DUOX2: variants seen among roughly 807,000 people sequenced by gnomAD.
The protein encoded by DUOX2 is NADH/NADPH thyroid oxidase p138-tox.
Under a neutral mutation model 183.3 loss-of-function variants are expected in DUOX2, and 185 were observed. The ratio of observed to expected loss-of-function variants is 1.01; its 90% CI spans 0.90 to 1.14. The LOEUF (loss-of-function observed/expected upper bound fraction) is 1.14. Among genes scored for constraint, DUOX2 ranks in the 50% most tolerant of loss-of-function variants. DUOX2 has a pLI of 0.00. For missense variants in DUOX2, 1,999 were observed against 2,022.9 expected (o/e 0.99, Z 0.23); for synonymous variants, 788 against 812.4 (o/e 0.97, Z 0.51).
rs119472026 is a variant in DUOX2 at position 45,108,887 on chromosome 15, G to A, written c.1300C>T (p.Arg434Ter). The stretch of plus-strand genomic sequence containing the variant: ...CTATAGCTGGGCAGCCCCATATCTC[G>A]GCCACGTTGGATGCTGCTGGCCACA... ...DYVASSIQRGRDMGLPSYSQA... is the reference protein window; with the variant it reads ...DYVASSIQRG The change falls in exon 12 of 34, where the codon CGA becomes TGA. Residue 434 changes from arginine to a stop codon, truncating the protein, a stop_gained. Coordinates refer to ENST00000389039, the MANE Select transcript of DUOX2 (RefSeq NM_001363711.2). LOFTEE classifies it high-confidence loss of function. 54 of 1,614,086 alleles carry A rather than the reference G, an allele frequency of 3.3e-5. No homozygotes were observed. Among genetic ancestry groups the A allele is most frequent in the Admixed American group, 1.2e-4 (7 of 60,010 alleles).
rs1185503447 is a variant in DUOX2 at position 45,106,157 on chromosome 15, G to T, written c.2116C>A (p.Leu706Met). The T allele has an allele frequency of 3.1e-6, 5 of 1,614,242 alleles. No homozygotes were observed. Among genetic ancestry groups the T allele is most frequent in the Non-Finnish European group, 4.2e-6 (5 of 1,180,044 alleles). ...ILSNNRGCRT[L>M]LLKIPKEYDL... is the part of the protein sequence containing the mutation. ...TACTCCTTAGGGATCTTGAGCAGCA[G>T]GGTGCGGCATCCTCGGTTGTTGGAC... Residue 706 changes from leucine (L) to methionine (M), a missense_variant, in exon 17 of 34, where the codon CTG (leucine) becomes ATG (methionine). Physicochemically the swap from Leu to Met is conservative, Grantham distance 15. This residue lies in a region of DUOX2 where 1,628 missense variants were observed against 1,608.6 expected (regional missense o/e 1.01). Coordinates refer to ENST00000389039, the MANE Select transcript of DUOX2 (RefSeq NM_001363711.2).
intron 23 of DUOX2, 193 bp downstream of exon 23, chr15:45,100,562 C>T: frequency 1.5e-6 from 1 of 663,912 alleles, no homozygotes; most frequent in South Asian, 1.8e-5. Flanking sequence ...AGGACCCTTG[C>T]CTGAAGAATG....
chr15:45,098,723 G>T (rs1176371611), intron 26 of DUOX2, among the ~76,000 whole-genome samples: 1 of 148,440 alleles, frequency 6.7e-6, no homozygotes, highest in African/African-American at 2.5e-5. Context: ...TTTTTTTCAA[G>T]ACAGAGTCTT....
Position 45,104,149 on chromosome 15 carries a change from A to C in DUOX2, c.2551T>G (p.Phe851Val). 6.2e-7 allele frequency: 1 copy of C among 1,614,164 alleles called. No homozygotes were observed. The highest frequency in any genetic ancestry group is 8.5e-7 in the Non-Finnish European group (1 of 1,180,014). Residue 851 changes from phenylalanine (F) to valine (V), a missense_variant, in exon 19 of 34, where the codon TTC (phenylalanine) becomes GTC (valine). Transcript: ENST00000389039. ...CCTCCCAGCCCCCTACCTTTCATGA[A>C]GACCACCAGGATGTCCAGGAACTCT... ...FREFLDILVV[F>V]MKGSPEDKSR...
rs1052122210 is a variant in DUOX2, at chr15:45,106,583, T to C, written c.1890A>G (p.Leu630=). ...AYFRGREHKK[L]QKKLKESVKK... ...TCACGCTCTCTTTGAGTTTCTTTTG[T>C]AGCTTCTTGTGTTCTCGGCCCCGGA... is the stretch of plus-strand genomic sequence containing the variant. The change falls in exon 16 of 34, where the codon CTA becomes CTG. Residue 630 remains leucine, a synonymous_variant. Coordinates refer to ENST00000389039, the MANE Select transcript of DUOX2 (RefSeq NM_001363711.2). The C allele has an allele frequency of 1.2e-6, 2 of 1,614,066 alleles. No homozygotes were observed. The highest frequency in any genetic ancestry group is 2.7e-5 in the African/African-American group (2 of 74,914).
Position 45,101,924 on chromosome 15 carries a change from A to T in DUOX2, c.2720T>A (p.Met907Lys), listed in dbSNP as rs1257696595. 1 of 1,614,224 alleles carries T rather than the reference A, an allele frequency of 6.2e-7. No homozygotes were observed. Among genetic ancestry groups the T allele is most frequent in the South Asian group, 1.1e-5 (1 of 91,082 alleles). The change falls in exon 21 of 34, where the codon ATG becomes AAG. Residue 907 changes from methionine to lysine, a missense_variant. By Grantham distance (95) the Met-to-Lys change is moderately conservative. Coordinates refer to ENST00000389039, the MANE Select transcript of DUOX2 (RefSeq NM_001363711.2). ...GTCCTGGAATCCCGACTCCCGGAAC[A>T]TAGACTCCACCACCTCGGCCAGCTG... ...KAQLAEVVES[M>K]FRESGFQDKE...
At chr15:45,110,589 G>A (rs1177489617) in intron 8 of DUOX2, 61 bp downstream of exon 8, 2 of 1,613,608 alleles carry the variant, frequency 1.2e-6, no homozygotes, top group Admixed American at 1.7e-5. Context: ...CCCATCACAG[G>A]CACCTGTCTC....
At chr15:45,110,834 A>T (rs1894373460) in intron 7 of DUOX2, 124 bp from the exon 8 acceptor site, 12 of 1,462,330 alleles carry the variant, frequency 8.2e-6, no homozygotes, top group Middle Eastern at 2.4e-4. Flanking sequence ...GGGAGAAGCA[A>T]CTCAGACAGG....
intron 29 of DUOX2, among the ~76,000 whole-genome samples, chr15:45,096,586 A>G (rs1893906611): frequency 6.6e-6 from 1 of 152,222 alleles, no homozygotes; most frequent in African/African-American, 2.4e-5. Context: ...TTAGCTGGAT[A>G]CTGTTTGTAC....
At chr15:45,106,807 G>A in intron 15 of DUOX2, 25 bp downstream of exon 15, 3 of 1,598,210 alleles carry the variant, frequency 1.9e-6, no homozygotes, top group Non-Finnish European at 2.6e-6. Context: ...GGGCCAGTCT[G>A]CAGAGAGGCT....
chr15:45,111,259 CCT>C lies in DUOX2; in HGVS notation c.732_733del (p.Gly245GlufsTer55), dbSNP rs1205166113. On this transcript the variant is annotated frameshift_variant, in exon 7 of 34. Coordinates refer to ENST00000389039, the MANE Select transcript of DUOX2 (RefSeq NM_001363711.2). LOFTEE classifies it high-confidence loss of function. ...CGCCTGCAGGAAGGGTTCCCGGTTCCCTCTCTCTGCCCCGAAGGCTGCATCCG... is the reference window on the plus strand; with the variant it reads ...CGCCTGCAGGAAGGGTTCCCGGTTCCCTCTCTGCCCCGAAGGCTGCATCCG... The C allele has an allele frequency of 7.3e-7, 1 of 1,365,522 alleles. No individual in the cohort carries two copies. The highest frequency in any genetic ancestry group is 1.4e-5 in the South Asian group (1 of 69,502). 84.6% of individuals were successfully genotyped at this position (1,365,522 alleles called of 1,614,324 possible).
intron 4 of DUOX2, 60 bp downstream of exon 4, chr15:45,112,494 C>T: frequency 6.3e-7 from 1 of 1,592,972 alleles, no homozygotes; most frequent in Non-Finnish European, 8.6e-7. Context: ...GGATCTGGCC[C>T]CTCCCCCAGG....
At chr15:45,094,760 A>G in intron 32 of DUOX2, 69 bp from the exon 33 acceptor site, 1 of 1,605,654 alleles carries the variant, frequency 6.2e-7, no homozygotes, top group Middle Eastern at 1.7e-4. Context: ...CAGCCCACAT[A>G]GCCCAAGAGA....
Position 45,112,996 on chromosome 15 carries a change from C to T in DUOX2, c.151G>A (p.Gly51Ser). ...GGCCCCCAGAACGCACCAACAGCAC[C>T]ACGCTCGTGGTGCCTCAGGTTGTTA... The part of the protein sequence containing the change: ...WFNNLRHHER[G>S]AVGCRLQRRV... Residue 51 changes from glycine (G) to serine (S), a missense_variant, in exon 3 of 34, where the codon GGT becomes AGT. Coordinates refer to ENST00000389039, the MANE Select transcript of DUOX2 (RefSeq NM_001363711.2). 6.2e-7 allele frequency: 1 copy of T among 1,613,642 alleles called. No individual in the cohort carries two copies. Among genetic ancestry groups the T allele is most frequent in the Non-Finnish European group, 8.5e-7 (1 of 1,179,928 alleles).
chr15:45,108,450 C>T (rs1047358281), intron 12 of DUOX2: 2 of 607,128 alleles, frequency 3.3e-6, no homozygotes, highest in Admixed American at 2.9e-5. Context: ...TATCCTGTGA[C>T]CATCACCAGC....
rs1434683620 is a variant in DUOX2 at position 45,099,828 on chromosome 15, T to G, written c.3249A>C (p.Ser1083=). 1.9e-6 allele frequency: 3 copies of G among 1,614,054 alleles called. No individual in the cohort carries two copies. Among genetic ancestry groups the G allele is most frequent in the Non-Finnish European group, 2.5e-6 (3 of 1,180,036 alleles). ...AGGAGACGCTGGCCGCCGTGCCTCG[T>G]GACAGGATGATGCCCACGAGGGTGG... The part of the protein sequence containing the change: ...AQTTLVGIIL[S]RGTAASVSFM... The change falls in exon 25 of 34, where the codon TCA becomes TCC. Residue 1083 remains serine (S), a synonymous_variant. Coordinates refer to ENST00000389039, the MANE Select transcript of DUOX2 (RefSeq NM_001363711.2).
At chr15:45,102,488 C>G (rs1185382794) in intron 20 of DUOX2, among the ~76,000 whole-genome samples, 1 of 152,224 alleles carries the variant, frequency 6.6e-6, no homozygotes, top group Non-Finnish European at 1.5e-5. Flanking sequence ...CCTGATAGCA[C>G]CCACAGTGGC....
chr15:45,100,748 C>T lies in DUOX2; in HGVS notation c.3005+7G>A. ...TCTTTGGGCCCAGGGATTTGGGAGA[C>T]ACTCACTTTTTGCCAAACCTCTTCT... is the stretch of plus-strand genomic sequence containing the variant. On this transcript the variant is annotated splice_region_variant and intron_variant, in intron 23 of 33. Coordinates refer to ENST00000389039, the MANE Select transcript of DUOX2 (RefSeq NM_001363711.2). 1 of 1,613,766 alleles carries T rather than the reference C, an allele frequency of 6.2e-7. No individual in the cohort carries two copies. Among genetic ancestry groups the T allele is most frequent in the East Asian group, 2.2e-5 (1 of 44,874 alleles).
chr15:45,109,866 C>T (rs1458657561), intron 10 of DUOX2, 24 bp downstream of exon 10: 1 of 1,610,158 alleles, frequency 6.2e-7, no homozygotes, highest in East Asian at 2.2e-5. Context: ...ACCCATCTTC[C>T]CCTGACCCTG....
Sources: allele counts gnomAD v4.1 joint callset (sites outside exome capture counted in the v4.1 genomes callset), GRCh38; gene constraint gnomAD v4.1.1; regional missense constraint gnomAD v4.1.1; transcripts MANE v1.5; gene names NCBI Gene and HGNC (gene_info 2026-07-23, HGNC 2026-07-21).